RAB3C: variants seen among roughly 807,000 people sequenced by gnomAD.
RAB3C encodes RAB3C, member RAS oncogene family.
In RAB3C, 17 loss-of-function variants were observed where a neutral mutation model predicts 26.4. The ratio of observed to expected loss-of-function variants is 0.64; its 90% CI spans 0.44 to 0.97. The LOEUF (loss-of-function observed/expected upper bound fraction) is 0.97. RAB3C is among the 50% of genes least tolerant of loss of function. The pLI, the probability that RAB3C is intolerant of heterozygous loss-of-function variation, is 0.00. For missense variants in RAB3C, 242 were observed against 281.9 expected, an observed-to-expected ratio of 0.86 and a Z score of 1.01; for synonymous variants, 91 against 95.9, an observed-to-expected ratio of 0.95 and a Z score of 0.30.
chr5:58,690,328 T>C (rs1012209072), intron 2 of RAB3C, among the ~76,000 whole-genome samples: 1 of 152,122 alleles, frequency 6.6e-6, no homozygotes, highest in African/African-American at 2.4e-5. Flanking sequence ...AAAACTAAGT[T>C]TTAGGCTTAA....
Position 58,788,358 on chromosome 5 carries a change from C to G in RAB3C, c.372-36680C>G, listed in dbSNP as rs1472284789. ...CCAGCTGCACTGCCACCACCTTGCC[C>G]CCTACTCCTGCCAGGTAAGTCCTGT... On this transcript the variant is annotated intron_variant, in intron 3 of 4. Transcript: ENST00000282878. The G allele has an allele frequency of 2.0e-5, 3 of 152,238 alleles. No individual in the cohort carries two copies. The East Asian group carries it at 5.8e-4, about 29-fold the overall frequency. 9.4% of individuals were successfully genotyped at this position (152,238 alleles called of 1,614,324 possible).
At chr5:58,812,124 A>G (rs545384141) in intron 3 of RAB3C, among the ~76,000 whole-genome samples, 7 of 152,334 alleles carry the variant, frequency 4.6e-5, no homozygotes, top group Non-Finnish European at 1.0e-4. Context: ...GTAAGAAAAA[A>G]GAAAAACAAA....
At chr5:58,596,891 TATA>T (rs1300824096) in intron 1 of RAB3C, among the ~76,000 whole-genome samples, 10 of 96,978 alleles carry the variant, frequency 1.0e-4, no homozygotes, top group South Asian at 3.4e-4. Context: ...ATACATAATA[TATA>T]ATATTATATT....
chr5:58,650,765 C>A (rs1747626671), intron 2 of RAB3C, among the ~76,000 whole-genome samples: 1 of 152,070 alleles, frequency 6.6e-6, no homozygotes, highest in South Asian at 2.1e-4. Flanking sequence ...CCATGATTCC[C>A]CCTATGAATT....
At chr5:58,768,222 A>G (rs987704946) in intron 3 of RAB3C, among the ~76,000 whole-genome samples, 1 of 152,174 alleles carries the variant, frequency 6.6e-6, no homozygotes, top group Non-Finnish European at 1.5e-5. Flanking sequence ...AGCATCCTCA[A>G]TCACCTAGGT....
At chr5:58,794,899 G>A (rs62358116) in intron 3 of RAB3C, among the ~76,000 whole-genome samples, 1 of 152,222 alleles carries the variant, frequency 6.6e-6, no homozygotes. Context: ...TGGAGCCCAG[G>A]AATCTGCATT....
chr5:58,806,872 C>A (rs1367805663), intron 3 of RAB3C, among the ~76,000 whole-genome samples: 1 of 152,144 alleles, frequency 6.6e-6, no homozygotes, highest in African/African-American at 2.4e-5. Context: ...CTCAAATAAA[C>A]CAGACAGCTT....
chr5:58,598,459 G>A (rs973251255), intron 1 of RAB3C, among the ~76,000 whole-genome samples: 9 of 151,962 alleles, frequency 5.9e-5, no homozygotes, highest in East Asian at 5.8e-4. Flanking sequence ...CTTACCACTT[G>A]GATTCTTCCC....
chr5:58,671,754 A>C (rs1054672605), intron 2 of RAB3C, among the ~76,000 whole-genome samples: 1 of 152,192 alleles, frequency 6.6e-6, no homozygotes, highest in East Asian at 1.9e-4. Flanking sequence ...TGCACTTTTC[A>C]TTCAGCTTTT....
chr5:58,585,112 C>T (rs928416473), intron 1 of RAB3C, among the ~76,000 whole-genome samples: 2 of 151,962 alleles, frequency 1.3e-5, no homozygotes, highest in Admixed American at 1.3e-4. Context: ...TTTCCAAATG[C>T]TGTCATGAGT....
chr5:58,786,996 A>G (rs1742404899), intron 3 of RAB3C, among the ~76,000 whole-genome samples: 1 of 152,126 alleles, frequency 6.6e-6, no homozygotes, highest in Non-Finnish European at 1.5e-5. Context: ...CCAGGGCCAG[A>G]AAGTTCAATG....
intron 3 of RAB3C, among the ~76,000 whole-genome samples, chr5:58,766,765 G>C (rs1331722665): frequency 6.6e-6 from 1 of 152,152 alleles, no homozygotes. Context: ...ATAAAGGCAT[G>C]GTGCAGGGGC....
intron 3 of RAB3C, among the ~76,000 whole-genome samples, chr5:58,802,648 C>T (rs900432173): frequency 1.3e-5 from 2 of 152,012 alleles, no homozygotes; most frequent in Non-Finnish European, 2.9e-5. Context: ...AGAATCTGTA[C>T]GGAGGATTGC....
intron 2 of RAB3C, among the ~76,000 whole-genome samples, chr5:58,678,429 C>T (rs1748273830): frequency 6.6e-6 from 1 of 151,998 alleles, no homozygotes; most frequent in South Asian, 2.1e-4. Context: ...GTCTGCCTGA[C>T]CATTGGTTAG....
intron 2 of RAB3C, among the ~76,000 whole-genome samples, chr5:58,629,078 A>G (rs1435266239): frequency 2.1e-5 from 3 of 140,942 alleles, no homozygotes; most frequent in Non-Finnish European, 4.6e-5. Flanking sequence ...TTAATTATTT[A>G]TTTAATTTTT....
At position 58,650,265 on chromosome 5, in the gene RAB3C, A is replaced by T. The variant is rs142319413; in HGVS notation, c.252+32395A>T. ...ACTCTGGTCTCCATTCAAATTTAAG[A>T]TGCAAGATATATATTTGGGGCTAGT... On this transcript the variant is annotated intron_variant, in intron 2 of 4. Coordinates refer to ENST00000282878, the MANE Select transcript of RAB3C (RefSeq NM_138453.4). Among the ~76,000 whole-genome samples the T allele has an allele frequency of 1.8e-3, 270 of 152,316 alleles. 2 individuals are homozygous for T. Among genetic ancestry groups the T allele is most frequent in the South Asian group, 5.2e-3 (25 of 4,832 alleles).
At chr5:58,825,380 T>C (rs1352917967) in intron 4 of RAB3C, among the ~76,000 whole-genome samples, 2 of 152,194 alleles carry the variant, frequency 1.3e-5, no homozygotes. Flanking sequence ...AAAATGATAC[T>C]CAGAATTTTG....
At chr5:58,742,604 A>G (rs292949) in intron 3 of RAB3C, among the ~76,000 whole-genome samples, 85,660 of 152,098 alleles carry the variant, frequency 0.56, 24,380 homozygotes, top group East Asian at 0.63. Flanking sequence ...ACTTGAAAAC[A>G]TAGATGCTTT....
chr5:58,825,025 CT>C lies in RAB3C; in HGVS notation c.372-8del. ...TTCCTCTGATTGTGTCATGCTTCTT[CT>C]TTTTCTTTTAGGTCAACTCAAATCA... is the stretch of plus-strand genomic sequence containing the variant. On this transcript the variant is annotated splice_polypyrimidine_tract_variant and intron_variant, in intron 3 of 4. Transcript: ENST00000282878. 1 of 1,586,128 alleles carries C rather than the reference CT, an allele frequency of 6.3e-7. No individual in the cohort carries two copies. The highest frequency in any genetic ancestry group is 1.1e-5 in the South Asian group (1 of 87,442).
Sources: gnomAD v4.1 joint callset for allele counts (sites outside exome capture counted in the v4.1 genomes callset) on GRCh38, gnomAD v4.1.1 for gene constraint, MANE v1.5 for transcripts, NCBI Gene and HGNC (gene_info 2026-07-23, HGNC 2026-07-21) for gene names.